PAK1: variants seen among roughly 807,000 people sequenced by gnomAD.
PAK1 encodes p21 (RAC1) activated kinase 1, also known as serine/threonine-protein kinase PAK 1.
Under a neutral mutation model 67.4 loss-of-function variants are expected in PAK1, and 29 were observed. That is an observed-to-expected ratio of 0.43 (90% confidence interval 0.32 to 0.59). The LOEUF (loss-of-function observed/expected upper bound fraction) is 0.59. Among genes scored for constraint, PAK1 ranks in the 20% least tolerant of loss-of-function variants. The pLI is 0.07. For missense variants in PAK1, 337 were observed against 670.7 expected, an observed-to-expected ratio of 0.50 and a Z score of 5.50; for synonymous variants, 223 against 237.4, an observed-to-expected ratio of 0.94 and a Z score of 0.56.
intron 1 of PAK1, among the ~76,000 whole-genome samples, chr11:77,461,565 A>G (rs1430272846): frequency 3.3e-5 from 5 of 152,258 alleles, no homozygotes. Context: ...AATGAAGACT[A>G]AAGAGTAACA....
At chr11:77,488,286 A>G in the PAK1 span, among the ~76,000 whole-genome samples, 2 of 152,032 alleles carry the variant, frequency 1.3e-5, no homozygotes, top group Non-Finnish European at 2.9e-5. Flanking sequence ...ACAACACCCG[A>G]GTCCCTTCAA....
At chr11:77,499,222 T>C in the PAK1 span, among the ~76,000 whole-genome samples, 1 of 152,048 alleles carries the variant, frequency 6.6e-6, no homozygotes, top group Non-Finnish European at 1.5e-5. Context: ...GAATATCTAT[T>C]GTTAACATTT....
intron 1 of PAK1, among the ~76,000 whole-genome samples, chr11:77,430,617 C>T (rs1955815501): frequency 6.6e-6 from 1 of 152,174 alleles, no homozygotes; most frequent in African/African-American, 2.4e-5. Flanking sequence ...TACCAAAGGG[C>T]AGAAAAATAT....
rs376825769 is a variant in PAK1 at position 77,443,282 on chromosome 11, C to A, written c.-22+30270G>T. On this transcript the variant is annotated intron_variant, in intron 1 of 14. Coordinates refer to ENST00000356341, the MANE Select transcript of PAK1 (RefSeq NM_002576.5). Reference sequence around the variant, plus strand: ...GTGAGCCGTGATCACTGCAGCCTGGCAACAGAGTGAGACTCCGTCTCTTAA... The same window carrying A: ...GTGAGCCGTGATCACTGCAGCCTGGAAACAGAGTGAGACTCCGTCTCTTAA... Among the ~76,000 whole-genome samples, 18 of 138,198 alleles carry A rather than the reference C, an allele frequency of 1.3e-4. No individual in the cohort carries two copies. In the East Asian group the frequency reaches 3.3e-3, roughly 26 times the overall value. 90.7% of individuals were successfully genotyped at this position (138,198 alleles called of 152,430 possible).
At chr11:77,449,188 G>A (rs1956745965) in intron 1 of PAK1, among the ~76,000 whole-genome samples, 1 of 152,190 alleles carries the variant, frequency 6.6e-6, no homozygotes, top group Non-Finnish European at 1.5e-5. Context: ...GGTGCAACCA[G>A]GTTTGAGGAA....
At chr11:77,472,824 G>A (rs1957929433) in intron 1 of PAK1, among the ~76,000 whole-genome samples, 1 of 135,722 alleles carries the variant, frequency 7.4e-6, no homozygotes. Context: ...TATCCAAGGG[G>A]TTTAAAAACC....
intron 1 of PAK1, among the ~76,000 whole-genome samples, chr11:77,468,350 C>T (rs752888940): frequency 1.3e-5 from 2 of 152,156 alleles, no homozygotes; most frequent in Non-Finnish European, 2.9e-5. Context: ...AGACTTACTA[C>T]TACACTATTC....
intron 10 of PAK1, 130 bp downstream of exon 10, chr11:77,343,689 G>GA: frequency 1.5e-6 from 1 of 667,222 alleles, no homozygotes; most frequent in South Asian, 1.8e-5. Context: ...CACATACAGA[G>GA]AGCTCAGCAT....
chr11:77,372,212 A>AT (rs1207853504), intron 5 of PAK1, among the ~76,000 whole-genome samples: 20 of 152,256 alleles, frequency 1.3e-4, no homozygotes, highest in African/African-American at 4.3e-4. Context: ...AATTCGGCTT[A>AT]AAGCCTCTTC....
Position 77,412,248 on chromosome 11 carries a change from T to C in PAK1, c.-21-19707A>G, listed in dbSNP as rs537769904. ...GTGCCTTAGTTTCTACAGATGAGTA[T>C]AGAGGAGTCCCTTCTAAGATTCCTC... On this transcript the variant is annotated intron_variant, in intron 1 of 14. Transcript: ENST00000356341. Among the ~76,000 whole-genome samples the C allele has an allele frequency of 4.6e-5, 7 of 152,170 alleles. No individual in the cohort carries two copies. In the East Asian group the frequency reaches 9.7e-4, roughly 21 times the overall value.
At chr11:77,466,602 C>CAA (rs35876101) in intron 1 of PAK1, among the ~76,000 whole-genome samples, 1 of 131,450 alleles carries the variant, frequency 7.6e-6, no homozygotes, top group Non-Finnish European at 1.7e-5. Flanking sequence ...GACTCCATCT[C>CAA]AAAAAAAAAA....
At position 77,395,595 on chromosome 11, in the gene PAK1, C is replaced by CACACAG. The variant is rs201909145; in HGVS notation, c.-21-3060_-21-3055dup. Among the ~76,000 whole-genome samples the CACACAG allele has an allele frequency of 9.2e-3, 1,396 of 152,094 alleles. 31 individuals carry two copies. The highest frequency in any genetic ancestry group is 0.032 in the African/African-American group (1,317 of 41,428). ...TTGTATTCTTATTTACTTATACACACACACAGACACACACACAAACACACA... is the reference window on the plus strand; with the variant it reads ...TTGTATTCTTATTTACTTATACACACACACAGACACAGACACACACACAAACACACA... On this transcript the variant is annotated intron_variant, in intron 1 of 14. Coordinates refer to ENST00000356341, the MANE Select transcript of PAK1 (RefSeq NM_002576.5).
intron 4 of PAK1, 70 bp downstream of exon 4, chr11:77,379,171 G>A: frequency 7.9e-7 from 1 of 1,257,978 alleles, no homozygotes; most frequent in South Asian, 1.6e-5. Context: ...CAGACTAATA[G>A]GCATGTGAGC....
At chr11:77,364,479 G>A (rs982297864) in intron 5 of PAK1, among the ~76,000 whole-genome samples, 1 of 152,086 alleles carries the variant, frequency 6.6e-6, no homozygotes, top group African/African-American at 2.4e-5. Flanking sequence ...AACAAACACT[G>A]AGCAATGACA....
chr11:77,460,297 T>C (rs1957281053), intron 1 of PAK1, among the ~76,000 whole-genome samples: 1 of 149,870 alleles, frequency 6.7e-6, no homozygotes, highest in African/African-American at 2.5e-5. Flanking sequence ...ATTGGGTACA[T>C]CTGTGGCTAT....
upstream of PAK1, chr11:77,474,619 A>G (rs1251380233): frequency 6.6e-6 from 1 of 151,724 alleles, no homozygotes; most frequent in Non-Finnish European, 1.5e-5. Context: ...GAATTTGAAA[A>G]CTATCCGATG....
At chr11:77,491,183 A>T in the PAK1 span, among the ~76,000 whole-genome samples, 12 of 143,512 alleles carry the variant, frequency 8.4e-5, no homozygotes, top group South Asian at 8.7e-4. Flanking sequence ...TCCTATGTTT[A>T]AAAAAAAAAA....
intron 14 of PAK1, among the ~76,000 whole-genome samples, chr11:77,324,298 G>C (rs555147830): frequency 6.7e-6 from 1 of 149,590 alleles, no homozygotes; most frequent in Admixed American, 6.7e-5. Flanking sequence ...TCAACCTCCC[G>C]AATAGCTGGG....
intron 1 of PAK1, among the ~76,000 whole-genome samples, chr11:77,460,350 G>A (rs1285221019): frequency 7.0e-6 from 1 of 142,908 alleles, no homozygotes; most frequent in East Asian, 2.0e-4. Flanking sequence ...TTAAAGTTAA[G>A]TTTGGCACCA....
Sources: allele counts gnomAD v4.1 joint callset (sites outside exome capture counted in the v4.1 genomes callset), GRCh38; gene constraint gnomAD v4.1.1; transcripts MANE v1.5; gene names NCBI Gene and HGNC (gene_info 2026-07-23, HGNC 2026-07-21).